Variants in KIAA1328 observed in about 807,000 individuals in gnomAD.
KIAA1328 encodes the protein protein hinderin.
A neutral mutation model predicts 68.1 loss-of-function variants in KIAA1328; 52 were observed. That is an observed-to-expected ratio of 0.76 (90% CI 0.61 to 0.96). KIAA1328 has a LOEUF of 0.96. KIAA1328 is among the 40% of genes least tolerant of loss of function. KIAA1328 has a pLI of 0.00. For missense variants in KIAA1328, 641 were observed against 677.6 expected, an observed-to-expected ratio of 0.95 and a Z score of 0.60; for synonymous variants, 232 against 239.4, an observed-to-expected ratio of 0.97 and a Z score of 0.28.
intron 9 of KIAA1328, among the ~76,000 whole-genome samples, chr18:37,189,254 C>T (rs2059859962): frequency 6.6e-6 from 1 of 152,102 alleles, no homozygotes; most frequent in South Asian, 2.1e-4. Context: ...CTTCACACAA[C>T]TATTTATTTG....
chr18:36,956,823 T>C (rs2051440800), intron 5 of KIAA1328, among the ~76,000 whole-genome samples: 1 of 152,186 alleles, frequency 6.6e-6, no homozygotes, highest in Non-Finnish European at 1.5e-5. Context: ...GTGTACATAA[T>C]AGCTGGCAGA....
chr18:37,101,252 G>A (rs1373570382), intron 7 of KIAA1328, among the ~76,000 whole-genome samples: 36 of 152,184 alleles, frequency 2.4e-4, no homozygotes, highest in Non-Finnish European at 1.5e-4. Flanking sequence ...CCATGGCAAA[G>A]AAGTTAAAAA....
At chr18:37,157,701 C>T (rs1266497261) in intron 7 of KIAA1328, among the ~76,000 whole-genome samples, 1 of 145,882 alleles carries the variant, frequency 6.9e-6, no homozygotes, top group African/African-American at 2.5e-5. Flanking sequence ...TCCCAGCACT[C>T]GGGAGGCTGA....
Position 36,840,643 on chromosome 18 carries a change from G to A in KIAA1328, c.238-3565G>A, listed in dbSNP as rs553192002. Reference sequence around the variant, plus strand: ...GATGATTTTTGTATAAACAGAGATGGGGTTTCACTATGTTGACCAGGCTGG... The same window carrying A: ...GATGATTTTTGTATAAACAGAGATGAGGTTTCACTATGTTGACCAGGCTGG... On this transcript the variant is annotated intron_variant, in intron 3 of 9. Transcript: ENST00000280020. Among the ~76,000 whole-genome samples the A allele has an allele frequency of 1.1e-4, 16 of 152,040 alleles. No individual in the cohort carries two copies. The East Asian group carries it at 2.3e-3, about 22-fold the overall frequency.
chr18:36,957,154 G>T (rs79825471), intron 5 of KIAA1328, among the ~76,000 whole-genome samples: 3,519 of 152,192 alleles, frequency 0.023, 135 homozygotes, highest in African/African-American at 0.08. Flanking sequence ...AGTTATTAGA[G>T]CAAGAATCTG....
intron 5 of KIAA1328, among the ~76,000 whole-genome samples, chr18:36,923,507 T>A (rs2050005444): frequency 6.6e-6 from 1 of 152,182 alleles, no homozygotes; most frequent in African/African-American, 2.4e-5. Flanking sequence ...AGGGGATTAT[T>A]ATAAGTAACT....
chr18:37,062,458 G>A (rs921768853), intron 6 of KIAA1328, among the ~76,000 whole-genome samples: 1 of 142,614 alleles, frequency 7.0e-6, no homozygotes, highest in Non-Finnish European at 1.5e-5. Flanking sequence ...TTTTGTTTTT[G>A]TTTTTTTTTT....
chr18:36,881,655 C>A (rs2150968690), intron 4 of KIAA1328, among the ~76,000 whole-genome samples: 1 of 152,278 alleles, frequency 6.6e-6, no homozygotes, highest in Non-Finnish European at 1.5e-5. Flanking sequence ...GCTCTAATTT[C>A]TTTCTCAATG....
chr18:37,135,532 G>A (rs2058624619), intron 7 of KIAA1328, among the ~76,000 whole-genome samples: 1 of 151,830 alleles, frequency 6.6e-6, no homozygotes, highest in South Asian at 2.1e-4. Context: ...CTTTTTAATG[G>A]GGTTGTTTTT....
At chr18:36,884,169 G>A (rs1490037554) in intron 4 of KIAA1328, among the ~76,000 whole-genome samples, 1 of 151,882 alleles carries the variant, frequency 6.6e-6, no homozygotes, top group African/African-American at 2.4e-5. Flanking sequence ...CAGGAAAAGG[G>A]AAGGCATTGT....
chr18:36,854,468 T>C (rs1355865858), intron 4 of KIAA1328, among the ~76,000 whole-genome samples: 2 of 152,226 alleles, frequency 1.3e-5, no homozygotes, highest in African/African-American at 4.8e-5. Context: ...TATTTACTTA[T>C]CTAGTTACCT....
At chr18:37,084,876 T>C (rs1224784910) in intron 7 of KIAA1328, among the ~76,000 whole-genome samples, 2 of 152,216 alleles carry the variant, frequency 1.3e-5, no homozygotes, top group African/African-American at 4.8e-5. Flanking sequence ...CGGCTAGGTC[T>C]GCAACAATCA....
intron 6 of KIAA1328, among the ~76,000 whole-genome samples, chr18:36,978,976 A>T (rs1348336057): frequency 1.3e-5 from 2 of 152,164 alleles, no homozygotes; most frequent in East Asian, 3.9e-4. Context: ...CCTGGGCAAC[A>T]TAGCCAGACC....
intron 9 of KIAA1328, among the ~76,000 whole-genome samples, chr18:37,214,648 T>C (rs904110797): frequency 3.3e-5 from 5 of 152,124 alleles, no homozygotes; most frequent in Non-Finnish European, 7.4e-5. Flanking sequence ...TTTTTGGTTC[T>C]ATATGAACTT....
chr18:37,199,211 G>A (rs566376023), intron 9 of KIAA1328, among the ~76,000 whole-genome samples: 86 of 152,228 alleles, frequency 5.6e-4, no homozygotes, highest in Middle Eastern at 3.4e-3. Context: ...ATGAAGCCTA[G>A]TATCCATTAG....
chr18:36,933,105 A>G (rs2151155426), intron 5 of KIAA1328, among the ~76,000 whole-genome samples: 1 of 152,290 alleles, frequency 6.6e-6, no homozygotes, highest in South Asian at 2.1e-4. Flanking sequence ...CATATATAGG[A>G]CTAATGAATA....
intron 7 of KIAA1328, among the ~76,000 whole-genome samples, chr18:37,143,933 A>C (rs533082571): frequency 4.6e-5 from 7 of 152,276 alleles, no homozygotes; most frequent in African/African-American, 1.7e-4. Flanking sequence ...GGTATTACAC[A>C]GTAACAAAAT....
rs184470431 is a variant in KIAA1328, at chr18:37,156,340, C to T, written c.1233-3860C>T. 1.2e-3 allele frequency among the ~76,000 whole-genome samples: 181 copies of T among 150,152 alleles called. 2 individuals are homozygous for T. The Middle Eastern group carries it at 0.021, about 17-fold the overall frequency. On this transcript the variant is annotated intron_variant, in intron 7 of 9. Coordinates refer to ENST00000280020, the MANE Select transcript of KIAA1328 (RefSeq NM_020776.3). Reference sequence around the variant, plus strand: ...ACTCGGGAGGCTGAGGCAGGAGAACCGCTTGAACCCGGGAGGCAGAGGTTG... The same window carrying T: ...ACTCGGGAGGCTGAGGCAGGAGAACTGCTTGAACCCGGGAGGCAGAGGTTG...
intron 6 of KIAA1328, among the ~76,000 whole-genome samples, chr18:36,998,174 C>T (rs572454435): frequency 6.6e-5 from 10 of 152,154 alleles, no homozygotes; most frequent in Non-Finnish European, 1.5e-4. Flanking sequence ...AGCTTAGGAT[C>T]CTGGGGGTTG....
Sources: gnomAD v4.1 joint callset for allele counts (sites outside exome capture counted in the v4.1 genomes callset) on GRCh38, gnomAD v4.1.1 for gene constraint, MANE v1.5 for transcripts, NCBI Gene and HGNC (gene_info 2026-07-23, HGNC 2026-07-21) for gene names.